SQOR: variants seen among roughly 807,000 people sequenced by gnomAD.
The protein encoded by SQOR is sulfide quinone oxidoreductase.
SQOR carries 39 observed loss-of-function variants against 48.6 expected under a neutral mutation model. The observed-to-expected ratio is 0.80, with a 90% CI of 0.62 to 1.05. The LOEUF (loss-of-function observed/expected upper bound fraction) is 1.05. Ranked by LOEUF, SQOR falls within the 50% of genes least tolerant of loss-of-function variation. The pLI, the probability that SQOR is intolerant of heterozygous loss-of-function variation, is 0.00. For missense variants in SQOR, 561 were observed against 559.9 expected (o/e 1.00, Z -0.02); for synonymous variants, 220 against 206.2 (o/e 1.07, Z -0.57).
chr15:45,634,125 G>A (rs563587820), upstream of SQOR, among the ~76,000 whole-genome samples: 2 of 147,270 alleles, frequency 1.4e-5, no homozygotes, highest in South Asian at 2.1e-4. Flanking sequence ...GCAGTGAGCC[G>A]AGATTGCTCT....
intron 7 of SQOR, among the ~76,000 whole-genome samples, chr15:45,683,898 TTGTTTGTTTG>T (rs1890173228): frequency 1.4e-5 from 2 of 139,316 alleles, no homozygotes; most frequent in Non-Finnish European, 3.4e-5. Flanking sequence ...ATATTTTTGT[TTGTTTGTTTG>T]TTTGTTTGTT....
At chr15:45,643,612 C>T (rs1895144554) in intron 1 of SQOR, among the ~76,000 whole-genome samples, 2 of 152,180 alleles carry the variant, frequency 1.3e-5, no homozygotes, top group Non-Finnish European at 2.9e-5. Context: ...AATCGTATAT[C>T]ATTTGCGCAG....
At chr15:45,652,268 A>G (rs1889507625) in intron 1 of SQOR, among the ~76,000 whole-genome samples, 2 of 152,184 alleles carry the variant, frequency 1.3e-5, no homozygotes, top group South Asian at 2.1e-4. Context: ...CCTTGTTGAC[A>G]GAAGTTTTCA....
intron 3 of SQOR, among the ~76,000 whole-genome samples, chr15:45,662,496 G>GATTT (rs770292842): frequency 5.3e-5 from 8 of 152,132 alleles, no homozygotes; most frequent in Non-Finnish European, 1.0e-4. Flanking sequence ...TTTTCTACCG[G>GATTT]TCGCCTAGCC....
chr15:45,646,817 C>T (rs901853360), intron 1 of SQOR, among the ~76,000 whole-genome samples: 1 of 152,104 alleles, frequency 6.6e-6, no homozygotes, highest in African/African-American at 2.4e-5. Context: ...CCCCTACCCA[C>T]TTACACCTCC....
chr15:45,689,323 C>G (rs889950521), intron 9 of SQOR, 106 bp downstream of exon 9: 3 of 1,111,054 alleles, frequency 2.7e-6, no homozygotes, highest in Non-Finnish European at 3.9e-6. Context: ...ACCAAGTGTT[C>G]TGTCTTCCAT....
At chr15:45,657,625 A>G (rs1182446029) in intron 1 of SQOR, among the ~76,000 whole-genome samples, 1 of 152,080 alleles carries the variant, frequency 6.6e-6, no homozygotes, top group Non-Finnish European at 1.5e-5. Context: ...ACAGCCCCTC[A>G]GCTCCTCTTT....
At chr15:45,652,392 G>A (rs1323412166) in intron 1 of SQOR, among the ~76,000 whole-genome samples, 2 of 151,888 alleles carry the variant, frequency 1.3e-5, no homozygotes, top group Non-Finnish European at 2.9e-5. Context: ...TGGAGTGCAG[G>A]GGTGTGATCT....
At chr15:45,683,848 T>C (rs941737854) in intron 7 of SQOR, among the ~76,000 whole-genome samples, 2 of 151,420 alleles carry the variant, frequency 1.3e-5, no homozygotes, top group Non-Finnish European at 2.9e-5. Context: ...TATGTATGTA[T>C]ATATTATGTG....
At chr15:45,662,804 C>T (rs1031292922) in intron 3 of SQOR, among the ~76,000 whole-genome samples, 1 of 152,202 alleles carries the variant, frequency 6.6e-6, no homozygotes, top group South Asian at 2.1e-4. Flanking sequence ...TGCTGCTGAG[C>T]CCAGGGCAGG....
At chr15:45,668,944 T>G (rs1329241333) in intron 3 of SQOR, among the ~76,000 whole-genome samples, 2 of 152,018 alleles carry the variant, frequency 1.3e-5, no homozygotes, top group Admixed American at 1.3e-4. Context: ...AAGAAGGGAC[T>G]TTTTTCATCC....
At position 45,689,281 on chromosome 15, in the gene SQOR, GA is replaced by G. The variant is rs1890279546; in HGVS notation, c.1295+65del. ...TTGTAGCACATCTCCACCCAAAGGGGATGCAGCCTCTTTTCTTCATTATTAG... is the reference window on the plus strand; with the variant it reads ...TTGTAGCACATCTCCACCCAAAGGGGTGCAGCCTCTTTTCTTCATTATTAG... On this transcript the variant is annotated intron_variant, in intron 9 of 9. Transcript: ENST00000260324. The G allele has an allele frequency of 3.3e-6, 5 of 1,529,674 alleles. No homozygotes were observed. In the South Asian group the frequency reaches 5.9e-5, roughly 18 times the overall value. 94.8% of individuals were successfully genotyped at this position (1,529,674 alleles called of 1,614,324 possible). A position where few individuals can be genotyped will look rare whatever the true frequency, so the allele number is the denominator to read the frequency against.
chr15:45,664,335 T>C (rs563522951), intron 3 of SQOR, among the ~76,000 whole-genome samples: 1 of 152,332 alleles, frequency 6.6e-6, no homozygotes, highest in South Asian at 2.1e-4. Flanking sequence ...TGTCCTGTTG[T>C]GTATGAGAGA....
intron 6 of SQOR, among the ~76,000 whole-genome samples, chr15:45,679,250 C>T (rs1330045674): frequency 6.6e-6 from 1 of 152,318 alleles, no homozygotes; most frequent in African/African-American, 2.4e-5. Context: ...AAAGCTGTGG[C>T]TCTTAACCCT....
chr15:45,683,892 T>TTTTG (rs147802488), intron 7 of SQOR, among the ~76,000 whole-genome samples: 5 of 149,528 alleles, frequency 3.3e-5, no homozygotes, highest in Non-Finnish European at 4.5e-5. Flanking sequence ...ATATATATAT[T>TTTTG]TTTGTTTGTT....
chr15:45,635,887 G>T (rs1387000375), intron 1 of SQOR, among the ~76,000 whole-genome samples: 2 of 152,138 alleles, frequency 1.3e-5, no homozygotes, highest in African/African-American at 4.8e-5. Context: ...CCAAGCTGGA[G>T]TGCAGTGGCG....
intron 1 of SQOR, among the ~76,000 whole-genome samples, chr15:45,650,992 G>A (rs373457893): frequency 1.2e-4 from 19 of 152,298 alleles, no homozygotes; most frequent in South Asian, 6.2e-4. Context: ...AGCTGCCCCC[G>A]GGTCCCGCAC....
intron 7 of SQOR, among the ~76,000 whole-genome samples, chr15:45,685,567 C>G (rs1417629324): frequency 6.6e-6 from 1 of 152,124 alleles, no homozygotes; most frequent in African/African-American, 2.4e-5. Context: ...GGCAAAAACC[C>G]AAGTCCCGCA....
intron 1 of SQOR, among the ~76,000 whole-genome samples, chr15:45,655,681 C>CTTTTTTT (rs60764234): frequency 4.2e-5 from 6 of 143,738 alleles, no homozygotes; most frequent in Admixed American, 7.0e-5. Context: ...GAAAGTATAT[C>CTTTTTTT]TTTTTTTTTT....
Sources: gnomAD v4.1 joint callset for allele counts (sites outside exome capture counted in the v4.1 genomes callset) on GRCh38, gnomAD v4.1.1 for gene constraint, MANE v1.5 for transcripts, NCBI Gene and HGNC (gene_info 2026-07-23, HGNC 2026-07-21) for gene names.